The following RGS9 variants were observed in gnomAD, a reference collection of about 807,000 sequenced individuals.
RGS9 encodes the protein regulator of G protein signaling 9, also known as regulator of G-protein signalling 9.
RGS9 carries 78 observed loss-of-function variants against 102.0 expected under a neutral mutation model. The ratio of observed to expected loss-of-function variants is 0.76; its 90% confidence interval spans 0.64 to 0.92. The LOEUF (loss-of-function observed/expected upper bound fraction) is 0.92, where lower values mean the gene tolerates loss of function less well. RGS9 is among the 40% of genes least tolerant of loss of function. The pLI, the probability that RGS9 is intolerant of heterozygous loss-of-function variation, is 0.00. For missense variants in RGS9, 833 were observed against 866.1 expected (o/e 0.96, Z 0.48); for synonymous variants, 353 against 318.6 (o/e 1.11, Z -1.15).
intron 17 of RGS9, among the ~76,000 whole-genome samples, chr17:65,224,199 C>T (rs1042253633): frequency 6.6e-6 from 1 of 152,236 alleles, no homozygotes; most frequent in Non-Finnish European, 1.5e-5. Context: ...ATTTTAATTT[C>T]CTTTTGTCTG....
rs1910853481 is a variant in RGS9 at position 65,158,342 on chromosome 17, C to G, written c.202C>G (p.Leu68Val). 1.9e-6 allele frequency: 3 copies of G among 1,613,990 alleles called. No homozygotes were observed. Among genetic ancestry groups the G allele is most frequent in the Non-Finnish European group, 1.7e-6 (2 of 1,179,910 alleles). ...WIVQRLWISS[L>V]EAQNLGNFIV... ...CGTCCAGCGGCTTTGGATCTCCAGT[C>G]TGGGTGAGAGCTCATCTGGCACTCA... The change falls in exon 3 of 19, where the codon CTG becomes GTG. Residue 68 changes from leucine to valine, a missense_variant. Physicochemically the swap from Leu to Val is conservative, Grantham distance 32. Around this residue, in one of 3 missense-constraint regions of RGS9, gnomAD observed 328 missense variants for 340.6 expected, o/e 0.96. Transcript: ENST00000262406.
rs1003797610 is a variant in RGS9, at chr17:65,173,911, C to T, written c.583-3821C>T. ...AGAAAGGCAGCCCTCTCACCAGTTT[C>T]GAGGGCAGGGAACTGGAAAAGGACC... On this transcript the variant is annotated intron_variant, in intron 8 of 18. Coordinates refer to ENST00000262406, the MANE Select transcript of RGS9 (RefSeq NM_003835.4). This position sits in a 1 kb window ranked among gnomAD's most constrained non-coding sequence, Gnocchi z 4.8. Among the ~76,000 whole-genome samples, 25 of 152,182 alleles carry T rather than the reference C, an allele frequency of 1.6e-4. No homozygotes were observed. The highest frequency in any genetic ancestry group is 1.2e-4 in the Non-Finnish European group (8 of 68,044).
intron 9 of RGS9, among the ~76,000 whole-genome samples, chr17:65,184,969 A>G (rs1439202309): frequency 6.6e-6 from 1 of 151,956 alleles, no homozygotes; most frequent in Admixed American, 6.6e-5. Context: ...TCCTGGGCTC[A>G]AGCAATCCTC....
intron 1 of RGS9, among the ~76,000 whole-genome samples, chr17:65,142,643 C>T (rs1477431933): frequency 2.0e-5 from 3 of 146,896 alleles, no homozygotes; most frequent in Non-Finnish European, 3.0e-5. Flanking sequence ...AGTACAGTGG[C>T]GAGATCTCGG....
intron 1 of RGS9, among the ~76,000 whole-genome samples, chr17:65,140,700 C>T (rs2143945071): frequency 6.6e-6 from 1 of 152,224 alleles, no homozygotes; most frequent in Non-Finnish European, 1.5e-5. Context: ...CATGGCAAAA[C>T]CCTCTGACTA....
chr17:65,187,887 T>C (rs1023173100), intron 9 of RGS9, among the ~76,000 whole-genome samples: 1 of 152,130 alleles, frequency 6.6e-6, no homozygotes, highest in African/African-American at 2.4e-5. Flanking sequence ...TCCCAGCTAC[T>C]TGGGAGACTG....
intron 9 of RGS9, 45 bp from the exon 10 acceptor site, chr17:65,189,241 G>C: frequency 6.4e-7 from 1 of 1,565,060 alleles, no homozygotes; most frequent in Non-Finnish European, 8.8e-7. Flanking sequence ...GAACTGTAAT[G>C]ATTTCATGAC....
intron 1 of RGS9, among the ~76,000 whole-genome samples, chr17:65,144,892 G>T (rs771346734): frequency 6.6e-6 from 1 of 152,118 alleles, no homozygotes; most frequent in African/African-American, 2.4e-5. Flanking sequence ...GACAGTTCTG[G>T]AGGCTGGAAG....
chr17:65,202,132 AC>A (rs751279977), intron 14 of RGS9, 52 bp downstream of exon 14: 22 of 1,260,328 alleles, frequency 1.7e-5, no homozygotes, highest in Non-Finnish European at 3.5e-6. Context: ...TCTGAGGACC[AC>A]CCCATTGTGC....
At chr17:65,194,745 G>A (rs993194247) in intron 12 of RGS9, among the ~76,000 whole-genome samples, 1 of 152,186 alleles carries the variant, frequency 6.6e-6, no homozygotes, top group Non-Finnish European at 1.5e-5. Context: ...GGAGGACAGG[G>A]GAGAAGGGAC....
intron 16 of RGS9, among the ~76,000 whole-genome samples, chr17:65,209,804 G>A (rs114680989): frequency 0.029 from 4,367 of 152,244 alleles, 190 homozygotes; most frequent in African/African-American, 0.093. Context: ...CCAGCCAGGC[G>A]CAGTGACTCA....
At chr17:65,204,124 G>T (rs1912955558) in intron 14 of RGS9, 39 bp from the exon 15 acceptor site, 2 of 1,611,174 alleles carry the variant, frequency 1.2e-6, no homozygotes, top group South Asian at 1.1e-5. Context: ...GAATTGACTT[G>T]GTTTAGTTAC....
intron 17 of RGS9, among the ~76,000 whole-genome samples, chr17:65,216,404 C>T (rs753113801): frequency 2.6e-5 from 4 of 152,058 alleles, no homozygotes; most frequent in Admixed American, 6.6e-5. Context: ...CTTTGGGAGG[C>T]GGAGGCGGGC....
chr17:65,182,115 A>C (rs774524802), intron 9 of RGS9, among the ~76,000 whole-genome samples: 6 of 152,196 alleles, frequency 3.9e-5, no homozygotes, highest in Non-Finnish European at 8.8e-5. Context: ...CTCAGTCTAC[A>C]CTGGCGAGTA....
At chr17:65,168,403 G>T (rs1291946299) in intron 8 of RGS9, 122 bp downstream of exon 8, 1 of 736,320 alleles carries the variant, frequency 1.4e-6, no homozygotes, top group East Asian at 2.8e-5. Context: ...AGCAGGAGGA[G>T]CTGCTCAGTG....
intron 1 of RGS9, among the ~76,000 whole-genome samples, chr17:65,152,835 C>T (rs940946578): frequency 2.6e-5 from 4 of 152,190 alleles, no homozygotes; most frequent in African/African-American, 4.8e-5. Context: ...TGGTCACTGT[C>T]GTTTCTCACC....
At chr17:65,159,013 G>C (rs181289557) in intron 3 of RGS9, among the ~76,000 whole-genome samples, 4 of 152,298 alleles carry the variant, frequency 2.6e-5, no homozygotes, top group Middle Eastern at 3.4e-3. Flanking sequence ...TACATGGCCT[G>C]TTCCTGACTT....
rs533662089 is a variant in RGS9, at chr17:65,149,123, G to A, written c.58-4299G>A. 9.8e-4 allele frequency among the ~76,000 whole-genome samples: 128 copies of A among 130,462 alleles called. 1 individual carries two copies. Among genetic ancestry groups the A allele is most frequent in the South Asian group, 8.3e-3 (37 of 4,438 alleles). 85.6% of individuals were successfully genotyped at this position (130,462 alleles called of 152,430 possible). ...ATTGTAGGCGCCCGCCACCATGCCCGGCTAGTTTTTTTTTTGTTGTTGTTA... is the reference window on the plus strand; with the variant it reads ...ATTGTAGGCGCCCGCCACCATGCCCAGCTAGTTTTTTTTTTGTTGTTGTTA... On this transcript the variant is annotated intron_variant, in intron 1 of 18. Coordinates refer to ENST00000262406, the MANE Select transcript of RGS9 (RefSeq NM_003835.4).
intron 17 of RGS9, among the ~76,000 whole-genome samples, chr17:65,216,988 A>G (rs985421420): frequency 3.9e-5 from 6 of 152,096 alleles, no homozygotes; most frequent in African/African-American, 1.2e-4. Context: ...GTGGATGGAG[A>G]GAGAAAAGAA....
Sources: allele counts gnomAD v4.1 joint callset (sites outside exome capture counted in the v4.1 genomes callset), GRCh38; gene constraint gnomAD v4.1.1; regional missense constraint gnomAD v4.1.1; non-coding constraint Gnocchi (gnomAD v3.1); transcripts MANE v1.5; gene names NCBI Gene and HGNC (gene_info 2026-07-23, HGNC 2026-07-21).